The following LUZP2 variants were observed in gnomAD, a reference collection of about 807,000 sequenced individuals.
LUZP2 encodes leucine zipper protein 2.
LUZP2 carries 52 observed loss-of-function variants against 51.6 expected under a neutral mutation model. The ratio of observed to expected loss-of-function variants is 1.01; its 90% confidence interval spans 0.81 to 1.27. The LOEUF (loss-of-function observed/expected upper bound fraction) is 1.27. Ranked by LOEUF, LUZP2 falls within the 50% of genes most tolerant of loss-of-function variation. The pLI, the probability that LUZP2 is intolerant of heterozygous loss-of-function variation, is 0.00. For synonymous variants in LUZP2, 154 were observed against 137.3 expected, an observed-to-expected ratio of 1.12 and a Z score of -0.85; for missense variants, 436 against 395.4, an observed-to-expected ratio of 1.10 and a Z score of -0.87.
intron 5 of LUZP2, among the ~76,000 whole-genome samples, chr11:24,875,879 T>A (rs1284331299): frequency 6.6e-6 from 1 of 151,640 alleles, no homozygotes; most frequent in Non-Finnish European, 1.5e-5. Context: ...TTTCATGTGT[T>A]TTTTGGCTGC....
chr11:24,556,825 A>C (rs943646730), intron 1 of LUZP2, among the ~76,000 whole-genome samples: 4 of 151,990 alleles, frequency 2.6e-5, no homozygotes, highest in African/African-American at 9.7e-5. Flanking sequence ...CTCAACACTA[A>C]CTTACCCAGA....
intron 1 of LUZP2, among the ~76,000 whole-genome samples, chr11:24,515,210 A>G (rs529444989): frequency 6.6e-6 from 1 of 152,272 alleles, no homozygotes; most frequent in South Asian, 2.1e-4. Context: ...GGCAGATTAT[A>G]AAACCGTATA....
chr11:25,070,654 TGTG>T (rs1428326795), intron 10 of LUZP2, among the ~76,000 whole-genome samples: 1 of 151,928 alleles, frequency 6.6e-6, no homozygotes, highest in East Asian at 1.9e-4. Context: ...TTTTAGAATA[TGTG>T]TTGTAAAATA....
chr11:24,602,073 CGTATATATGT>C lies in LUZP2; in HGVS notation c.62+104779_62+104788del, dbSNP rs1475484394. ...ATGTGTATATATGTGTATATATATG[CGTATATATGT>C]GTATATATGTATATATGTGTATATG... On this transcript the variant is annotated intron_variant, in intron 1 of 11. Transcript: ENST00000336930. Among the ~76,000 whole-genome samples, 479 of 85,974 alleles carry C rather than the reference CGTATATATGT, an allele frequency of 5.6e-3. 15 individuals are homozygous for C. The highest frequency in any genetic ancestry group is 0.02 in the African/African-American group (456 of 23,350). 56.4% of individuals were successfully genotyped at this position (85,974 alleles called of 152,430 possible). A position where few individuals can be genotyped will look rare whatever the true frequency, so the allele number is the denominator to read the frequency against.
At chr11:25,003,723 G>T (rs1436912879) in intron 9 of LUZP2, among the ~76,000 whole-genome samples, 1 of 152,088 alleles carries the variant, frequency 6.6e-6, no homozygotes. Flanking sequence ...GGCATTTTTT[G>T]CCCTTCCAAA....
At chr11:24,676,278 A>G (rs76811887) in intron 1 of LUZP2, among the ~76,000 whole-genome samples, 165 of 152,310 alleles carry the variant, frequency 1.1e-3, no homozygotes, top group African/African-American at 3.8e-3. Context: ...ATAGGCTGAA[A>G]TTCTTTCTAT....
chr11:25,026,698 G>T (rs1297129791), intron 9 of LUZP2, among the ~76,000 whole-genome samples: 3 of 151,858 alleles, frequency 2.0e-5, no homozygotes, highest in African/African-American at 7.3e-5. Flanking sequence ...TAGCATGATT[G>T]GTTGCTATGA....
intron 5 of LUZP2, among the ~76,000 whole-genome samples, chr11:24,848,195 CATTT>C (rs1278167341): frequency 4.7e-5 from 7 of 147,472 alleles, no homozygotes; most frequent in Admixed American, 6.8e-5. Context: ...AGTTATATAC[CATTT>C]ATTTATCCAT....
rs911198766 is a variant in LUZP2, at chr11:25,081,144, C to T, written c.*2486C>T. The stretch of plus-strand genomic sequence containing the variant: ...GCTTCCCAGGTTCAAGTGATTCTCC[C>T]TGCCTCCGCCTCCCAAGTAGCTGGG... On this transcript the variant is annotated 3_prime_UTR_variant, in exon 12 of 12. Transcript: ENST00000336930. 6 of 149,194 alleles carry T rather than the reference C, an allele frequency of 4.0e-5. No homozygotes were observed. Among genetic ancestry groups the T allele is most frequent in the African/African-American group, 1.5e-4 (6 of 40,848 alleles). 9.2% of individuals were successfully genotyped at this position (149,194 alleles called of 1,614,324 possible).
intron 1 of LUZP2, among the ~76,000 whole-genome samples, chr11:24,512,633 T>C (rs577176582): frequency 2.0e-5 from 3 of 152,324 alleles, no homozygotes; most frequent in African/African-American, 7.2e-5. Context: ...TGATTTTACA[T>C]TGTTGTTTGA....
At chr11:24,824,041 C>T (rs565249767) in intron 5 of LUZP2, among the ~76,000 whole-genome samples, 9 of 150,806 alleles carry the variant, frequency 6.0e-5, no homozygotes, top group South Asian at 2.1e-4. Flanking sequence ...CCAGCCTGGG[C>T]GACAGAGCGA....
At chr11:24,692,721 G>GT (rs1857114717) in intron 1 of LUZP2, among the ~76,000 whole-genome samples, 1 of 151,906 alleles carries the variant, frequency 6.6e-6, no homozygotes, top group Non-Finnish European at 1.5e-5. Flanking sequence ...AAATAAATGA[G>GT]TTTTTTCTTA....
At chr11:24,863,310 A>G (rs767852410) in intron 5 of LUZP2, among the ~76,000 whole-genome samples, 7 of 152,228 alleles carry the variant, frequency 4.6e-5, no homozygotes, top group Non-Finnish European at 8.8e-5. Flanking sequence ...CCAAATGTCC[A>G]TCAACTGATA....
chr11:24,786,536 TATATA>T (rs1590524591), intron 5 of LUZP2: 1 of 632,684 alleles, frequency 1.6e-6, no homozygotes, highest in Non-Finnish European at 2.0e-6. Context: ...TATACACAAA[TATATA>T]ATATATAAAC....
intron 5 of LUZP2, among the ~76,000 whole-genome samples, chr11:24,868,973 C>A (rs558969682): frequency 6.6e-6 from 1 of 152,306 alleles, no homozygotes; most frequent in East Asian, 1.9e-4. Context: ...CAAGAATATT[C>A]TCATTGTAAT....
rs796503348 is a variant in LUZP2, at chr11:24,615,063, A to G, written c.63-114106A>G. Among the ~76,000 whole-genome samples the G allele has an allele frequency of 2.5e-4, 38 of 152,084 alleles. 1 individual carries two copies. The highest frequency in any genetic ancestry group is 8.4e-4 in the African/African-American group (35 of 41,532). ...CAGGTAATTTTGTTATTAATTTTAA[A>G]ACATATTTTATGGATTTAGTTATTC... On this transcript the variant is annotated intron_variant, in intron 1 of 11. Coordinates refer to ENST00000336930, the MANE Select transcript of LUZP2 (RefSeq NM_001009909.4).
At chr11:24,625,584 TAAATG>T (rs1854647925) in intron 1 of LUZP2, among the ~76,000 whole-genome samples, 1 of 152,070 alleles carries the variant, frequency 6.6e-6, no homozygotes, top group Non-Finnish European at 1.5e-5. Flanking sequence ...ACATATTTAA[TAAATG>T]TAATGTTGTC....
intron 4 of LUZP2, among the ~76,000 whole-genome samples, chr11:24,758,082 A>G (rs947445731): frequency 2.6e-5 from 4 of 152,162 alleles, no homozygotes; most frequent in African/African-American, 9.6e-5. Context: ...TTGCAAATCA[A>G]TTCATAACAA....
At chr11:24,934,430 C>T (rs931500529) in intron 7 of LUZP2, among the ~76,000 whole-genome samples, 2 of 152,080 alleles carry the variant, frequency 1.3e-5, no homozygotes, top group Non-Finnish European at 2.9e-5. Flanking sequence ...TATTATTTCC[C>T]GTTCTTACTC....
Sources: gnomAD v4.1 joint callset for allele counts (sites outside exome capture counted in the v4.1 genomes callset) on GRCh38, gnomAD v4.1.1 for gene constraint, MANE v1.5 for transcripts, NCBI Gene and HGNC (gene_info 2026-07-23, HGNC 2026-07-21) for gene names.